Variants in BRINP3 observed in about 807,000 individuals in gnomAD.
BRINP3 encodes the protein BMP/retinoic acid inducible neural specific 3.
Under a neutral mutation model 71.0 loss-of-function variants are expected in BRINP3, and 19 were observed. The observed-to-expected ratio is 0.27, with a 90% CI of 0.19 to 0.39. BRINP3 has a LOEUF of 0.39. Ranked by LOEUF, BRINP3 falls within the 10% of genes least tolerant of loss-of-function variation. BRINP3 has a pLI of 1.00. For missense variants in BRINP3, 959 were observed against 940.8 expected, an observed-to-expected ratio of 1.02 and a Z score of -0.25; for synonymous variants, 380 against 337.7, an observed-to-expected ratio of 1.13 and a Z score of -1.37.
chr1:190,147,584 G>A (rs530527503), intron 7 of BRINP3, among the ~76,000 whole-genome samples: 1 of 152,168 alleles, frequency 6.6e-6, no homozygotes, highest in East Asian at 1.9e-4. Context: ...ACCATACCTT[G>A]CAATTAGTGT....
At chr1:190,206,480 G>GA (rs71706918) in intron 6 of BRINP3, among the ~76,000 whole-genome samples, 1 of 151,374 alleles carries the variant, frequency 6.6e-6, no homozygotes. Flanking sequence ...CATTAAGTTA[G>GA]AAAAAAAACG....
In BRINP3 at chr1:190,270,484, G is replaced by A. The variant is rs1373178974; in HGVS notation, c.428-5429C>T. On this transcript the variant is annotated intron_variant, in intron 3 of 7. Transcript: ENST00000367462. Reference sequence around the variant, plus strand: ...TATTTTGAATGTAAATCAATTTTTGGAATATATTCTGAAGACGAATAAAGG... The same window carrying A: ...TATTTTGAATGTAAATCAATTTTTGAAATATATTCTGAAGACGAATAAAGG... 7.3e-5 allele frequency among the ~76,000 whole-genome samples: 11 copies of A among 151,706 alleles called. No individual in the cohort carries two copies. The East Asian group carries it at 1.7e-3, about 24-fold the overall frequency.
rs150405734 is a variant in BRINP3 at position 190,314,707 on chromosome 1, A to G, written c.237-32957T>C. ...TGTTGGACTTCTGGCCCCCAAAACT[A>G]TAAGATAATAAATCTGTGTTGTGTT... On this transcript the variant is annotated intron_variant, in intron 2 of 7. Coordinates refer to ENST00000367462, the MANE Select transcript of BRINP3 (RefSeq NM_199051.3). Among the ~76,000 whole-genome samples the G allele has an allele frequency of 1.5e-3, 234 of 152,248 alleles. 1 individual carries two copies. Among genetic ancestry groups the G allele is most frequent in the African/African-American group, 5.2e-3 (217 of 41,542 alleles).
chr1:190,436,941 G>A (rs1051045673), intron 2 of BRINP3, among the ~76,000 whole-genome samples: 3 of 151,598 alleles, frequency 2.0e-5, no homozygotes, highest in Admixed American at 1.3e-4. Flanking sequence ...ATATAGCCTT[G>A]GGTAATACTA....
At chr1:190,407,067 C>A (rs1672328283) in intron 2 of BRINP3, among the ~76,000 whole-genome samples, 1 of 152,010 alleles carries the variant, frequency 6.6e-6, no homozygotes, top group Non-Finnish European at 1.5e-5. Flanking sequence ...AAGGGAAAAA[C>A]CAAACTAAAA....
chr1:190,424,622 A>G (rs1441392634), intron 2 of BRINP3, among the ~76,000 whole-genome samples: 1 of 151,680 alleles, frequency 6.6e-6, no homozygotes, highest in Non-Finnish European at 1.5e-5. Context: ...TAACTGGTAG[A>G]CTACCTTCCT....
chr1:190,142,272 A>G (rs1375236882), intron 7 of BRINP3, among the ~76,000 whole-genome samples: 3 of 152,208 alleles, frequency 2.0e-5, no homozygotes, highest in Non-Finnish European at 4.4e-5. Context: ...AATGAACAAC[A>G]TAATTGAAGA....
chr1:190,223,413 T>C (rs1438339997), intron 6 of BRINP3, among the ~76,000 whole-genome samples: 1 of 151,840 alleles, frequency 6.6e-6, no homozygotes, highest in East Asian at 1.9e-4. Flanking sequence ...AAAATAAACA[T>C]ATCATTATTT....
intron 2 of BRINP3, among the ~76,000 whole-genome samples, chr1:190,350,765 T>C (rs1190267119): frequency 2.6e-5 from 4 of 151,692 alleles, no homozygotes; most frequent in African/African-American, 9.7e-5. Flanking sequence ...GCATTCATTA[T>C]GTTCCCCACT....
intron 2 of BRINP3, among the ~76,000 whole-genome samples, chr1:190,403,296 C>G (rs1251719642): frequency 6.6e-6 from 1 of 152,090 alleles, no homozygotes; most frequent in Admixed American, 6.6e-5. Context: ...GAAATTCTGG[C>G]TTAAATAGAA....
At chr1:190,346,274 G>T (rs923627149) in intron 2 of BRINP3, among the ~76,000 whole-genome samples, 2 of 151,894 alleles carry the variant, frequency 1.3e-5, no homozygotes, top group Admixed American at 1.3e-4. Flanking sequence ...AAAAAGTGAA[G>T]ATTTATTTAT....
At chr1:190,313,323 T>C (rs1407732774) in intron 2 of BRINP3, among the ~76,000 whole-genome samples, 3 of 151,754 alleles carry the variant, frequency 2.0e-5, no homozygotes, top group Non-Finnish European at 2.9e-5. Flanking sequence ...ATAGGAAACA[T>C]GTAAGTTAAA....
At chr1:190,398,067 T>G (rs980850720) in intron 2 of BRINP3, among the ~76,000 whole-genome samples, 3 of 152,008 alleles carry the variant, frequency 2.0e-5, no homozygotes, top group Admixed American at 1.3e-4. Flanking sequence ...GCTGCAGCTT[T>G]AAAAATAACA....
At chr1:190,474,867 C>G (rs1358055964) in intron 1 of BRINP3, 1 of 152,202 alleles carries the variant, frequency 6.6e-6, no homozygotes. Flanking sequence ...AGAAGCACCA[C>G]CCCCTCTCCG....
chr1:190,233,719 G>A (rs1024733740), intron 5 of BRINP3, among the ~76,000 whole-genome samples: 3 of 152,066 alleles, frequency 2.0e-5, no homozygotes, highest in African/African-American at 2.4e-5. Flanking sequence ...GTGTTTAAAC[G>A]TGTGTATTCA....
At chr1:190,325,410 T>A (rs1666514721) in intron 2 of BRINP3, among the ~76,000 whole-genome samples, 1 of 151,956 alleles carries the variant, frequency 6.6e-6, no homozygotes, top group Non-Finnish European at 1.5e-5. Context: ...TAGCATACAT[T>A]GAAAAATGAT....
intron 7 of BRINP3, among the ~76,000 whole-genome samples, chr1:190,157,743 G>T (rs939544435): frequency 1.3e-5 from 2 of 152,030 alleles, no homozygotes; most frequent in African/African-American, 4.8e-5. Flanking sequence ...TATCTTATTT[G>T]TGGAGGAAAT....
chr1:190,128,326 T>C (rs1654253869), intron 7 of BRINP3, among the ~76,000 whole-genome samples: 2 of 151,828 alleles, frequency 1.3e-5, no homozygotes, highest in Non-Finnish European at 2.9e-5. Flanking sequence ...ACATTTTTTG[T>C]AATTACATAA....
chr1:190,205,645 A>C (rs1251581350), intron 6 of BRINP3, among the ~76,000 whole-genome samples: 1 of 152,086 alleles, frequency 6.6e-6, no homozygotes, highest in Non-Finnish European at 1.5e-5. Context: ...AATGTGTAAG[A>C]AAATTTCAGA....
Sources: gnomAD v4.1 joint callset for allele counts (sites outside exome capture counted in the v4.1 genomes callset) on GRCh38, gnomAD v4.1.1 for gene constraint, MANE v1.5 for transcripts, NCBI Gene and HGNC (gene_info 2026-07-23, HGNC 2026-07-21) for gene names.